ARHGEF4: variants seen among roughly 807,000 people sequenced by gnomAD.
ARHGEF4 encodes APC-stimulated guanine nucleotide exchange factor 1.
A neutral mutation model predicts 162.0 loss-of-function variants in ARHGEF4; 119 were observed. The observed-to-expected ratio is 0.73, with a 90% CI of 0.63 to 0.86. The LOEUF (loss-of-function observed/expected upper bound fraction) is 0.86. Ranked by LOEUF, ARHGEF4 falls within the 40% of genes least tolerant of loss-of-function variation. The pLI, the probability that ARHGEF4 is intolerant of heterozygous loss-of-function variation, is 0.00. For synonymous variants in ARHGEF4, 1,014 were observed against 979.9 expected (o/e 1.03, Z -0.65); for missense variants, 2,488 against 2,456.0 (o/e 1.01, Z -0.28).
intron 1 of ARHGEF4, among the ~76,000 whole-genome samples, chr2:130,878,192 T>C (rs1273092867): frequency 6.6e-6 from 1 of 152,250 alleles, no homozygotes; most frequent in Non-Finnish European, 1.5e-5. Context: ...ATATATTCTT[T>C]ATCTTTTTTT....
chr2:130,950,895 G>C (rs1223875357), intron 4 of ARHGEF4, among the ~76,000 whole-genome samples: 1 of 152,038 alleles, frequency 6.6e-6, no homozygotes, highest in Non-Finnish European at 1.5e-5. Flanking sequence ...CCATTGTATG[G>C]ATACACCACA....
At chr2:130,899,272 G>A (rs905015787) in intron 1 of ARHGEF4, among the ~76,000 whole-genome samples, 5 of 152,174 alleles carry the variant, frequency 3.3e-5, no homozygotes, top group Admixed American at 2.6e-4. Context: ...CCAAAATTCT[G>A]CCCACCTCAG....
intron 1 of ARHGEF4, among the ~76,000 whole-genome samples, chr2:130,852,029 G>A (rs879599453): frequency 2.5e-4 from 38 of 152,232 alleles, no homozygotes; most frequent in Non-Finnish European, 5.4e-4. Context: ...CACTTTATCC[G>A]TAGCTATTTT....
intron 1 of ARHGEF4, among the ~76,000 whole-genome samples, chr2:130,838,379 G>A (rs1262445028): frequency 1.3e-5 from 2 of 152,132 alleles, no homozygotes; most frequent in Non-Finnish European, 2.9e-5. Flanking sequence ...AGTGGGGGGG[G>A]CGGATCGCCT....
intron 1 of ARHGEF4, among the ~76,000 whole-genome samples, chr2:130,894,898 T>G (rs776218454): frequency 2.8e-4 from 42 of 152,194 alleles, no homozygotes; most frequent in Admixed American, 6.5e-4. Context: ...CCTGGTTATC[T>G]TATGGAGATT....
At chr2:130,888,099 A>G (rs572195766) in intron 1 of ARHGEF4, among the ~76,000 whole-genome samples, 2 of 151,936 alleles carry the variant, frequency 1.3e-5, no homozygotes, top group Non-Finnish European at 2.9e-5. Flanking sequence ...TTTTGTATTA[A>G]TGTTGCTGTT....
chr2:130,837,135 C>T, intron 1 of ARHGEF4, 143 bp downstream of exon 1: 1 of 774,734 alleles, frequency 1.3e-6, no homozygotes, highest in Non-Finnish European at 1.7e-6. Context: ...CTCCCCGCCG[C>T]TCCCAACTTT....
chr2:130,978,861 C>A (rs1685926705), intron 4 of ARHGEF4, among the ~76,000 whole-genome samples: 1 of 152,168 alleles, frequency 6.6e-6, no homozygotes, highest in African/African-American at 2.4e-5. Context: ...GTAGTTCAGT[C>A]CATGCAGTCA....
chr2:130,933,006 A>C (rs750395050), intron 3 of ARHGEF4, among the ~76,000 whole-genome samples: 1 of 152,164 alleles, frequency 6.6e-6, no homozygotes, highest in Non-Finnish European at 1.5e-5. Context: ...ACTTAAGGCC[A>C]GAAGTTCGAC....
chr2:130,987,871 T>C (rs965514049), intron 4 of ARHGEF4, among the ~76,000 whole-genome samples: 2 of 152,160 alleles, frequency 1.3e-5, no homozygotes, highest in African/African-American at 4.8e-5. Context: ...TTAAGAGACG[T>C]CTTGGGAGCT....
chr2:130,853,556 G>A (rs1681561555), intron 1 of ARHGEF4, among the ~76,000 whole-genome samples: 1 of 152,218 alleles, frequency 6.6e-6, no homozygotes, highest in African/African-American at 2.4e-5. Flanking sequence ...GCAGGCCTGG[G>A]CCTCCTGTGT....
rs766644569 is a variant in ARHGEF4 at position 131,038,912 on chromosome 2, C to G, written c.4185C>G (p.Asp1395Glu). 2 of 1,613,520 alleles carry G rather than the reference C, an allele frequency of 1.2e-6. No individual in the cohort carries two copies. The highest frequency in any genetic ancestry group is 1.7e-6 in the Non-Finnish European group (2 of 1,180,012). ...AEALWDHVTM[D>E]DQELGFKAGD... ...CACTCTGGGACCATGTCACCATGGA[C>G]GACCAGGAGCTGGGCTTCAAAGCTG... is the stretch of plus-strand genomic sequence containing the variant. Residue 1395 changes from aspartate (D) to glutamate (E), a missense_variant, in exon 6 of 14, where the codon GAC becomes GAG. Around this residue, in one of 6 missense-constraint regions of ARHGEF4, gnomAD observed 174 missense variants for 148.3 expected, o/e 1.17. Transcript: ENST00000409359.
chr2:130,978,832 A>G (rs1235427137), intron 4 of ARHGEF4, among the ~76,000 whole-genome samples: 1 of 152,208 alleles, frequency 6.6e-6, no homozygotes, highest in Admixed American at 6.5e-5. Flanking sequence ...GCCATAAAAA[A>G]AATTATTTCT....
rs1015155591 is a variant in ARHGEF4 at position 130,914,941 on chromosome 2, G to C, written c.995G>C (p.Arg332Thr). The change falls in exon 2 of 14, where the codon AGG becomes ACG. Residue 332 changes from arginine to threonine, a missense_variant. Coordinates refer to ENST00000409359, the MANE Select transcript of ARHGEF4 (RefSeq NM_001367493.1). Reference protein sequence around the residue: ...ASPRLNCGHMRALVRAHSIAG... With the variant: ...ASPRLNCGHMTALVRAHSIAG... ...CCCAGACTCAACTGTGGGCACATGAGGGCACTGGTCAGGGCCCATTCCATA... is the reference window on the plus strand; with the variant it reads ...CCCAGACTCAACTGTGGGCACATGACGGCACTGGTCAGGGCCCATTCCATA... 5 of 1,545,430 alleles carry C rather than the reference G, an allele frequency of 3.2e-6. No homozygotes were observed. The African/African-American group carries it at 6.9e-5, about 21-fold the overall frequency.
chr2:130,854,948 A>T (rs1681665399), intron 1 of ARHGEF4, among the ~76,000 whole-genome samples: 1 of 151,898 alleles, frequency 6.6e-6, no homozygotes, highest in African/African-American at 2.4e-5. Context: ...ATCTCGGCTC[A>T]CTGCAAGTTC....
intron 4 of ARHGEF4, among the ~76,000 whole-genome samples, chr2:130,979,358 TA>T (rs1407132548): frequency 6.6e-6 from 1 of 152,154 alleles, no homozygotes; most frequent in Admixed American, 6.6e-5. Flanking sequence ...ATAACAAGCC[TA>T]ATAATCCCAA....
intron 1 of ARHGEF4, among the ~76,000 whole-genome samples, chr2:130,875,389 A>G (rs375424244): frequency 3.3e-5 from 5 of 152,298 alleles, no homozygotes; most frequent in East Asian, 3.9e-4. Context: ...GTAATCTTTA[A>G]AAAGGTTTAT....
chr2:130,894,638 T>C (rs1307458635), intron 1 of ARHGEF4, among the ~76,000 whole-genome samples: 1 of 150,866 alleles, frequency 6.6e-6, no homozygotes, highest in Non-Finnish European at 1.5e-5. Context: ...CTATTGCCTT[T>C]CTACTTTTTT....
chr2:130,958,502 C>A (rs539061894), intron 4 of ARHGEF4, among the ~76,000 whole-genome samples: 1 of 151,748 alleles, frequency 6.6e-6, no homozygotes, highest in Non-Finnish European at 1.5e-5. Flanking sequence ...CTCCGCCCCC[C>A]CGATCCGAGC....
Sources: allele counts gnomAD v4.1 joint callset (sites outside exome capture counted in the v4.1 genomes callset), GRCh38; gene constraint gnomAD v4.1.1; regional missense constraint gnomAD v4.1.1; transcripts MANE v1.5; gene names NCBI Gene and HGNC (gene_info 2026-07-23, HGNC 2026-07-21).